The following NRIP1 variants were observed in gnomAD, a reference collection of about 807,000 sequenced individuals.
NRIP1 encodes nuclear receptor-interacting protein 1.
In NRIP1, 28 loss-of-function variants were observed where a neutral mutation model predicts 75.0. That is an observed-to-expected ratio of 0.37 (90% CI 0.28 to 0.51). The LOEUF (loss-of-function observed/expected upper bound fraction) is 0.51. NRIP1 is among the 20% of genes least tolerant of loss of function. The probability of loss-of-function intolerance (pLI) is 0.92; values close to 1 mark genes in which losing one functional copy is unlikely to be tolerated. For synonymous variants in NRIP1, 526 were observed against 487.6 expected (o/e 1.08, Z -1.04); for missense variants, 1,435 against 1,343.7 (o/e 1.07, Z -1.06).
At chr21:14,986,889 T>C (rs2087420214) in intron 3 of NRIP1, among the ~76,000 whole-genome samples, 1 of 152,184 alleles carries the variant, frequency 6.6e-6, no homozygotes, top group African/African-American at 2.4e-5. Context: ...CCTCTAATAA[T>C]TTTGCCACTG....
intron 3 of NRIP1, among the ~76,000 whole-genome samples, chr21:15,007,575 T>C (rs2088002166): frequency 1.3e-5 from 2 of 152,206 alleles, no homozygotes; most frequent in Non-Finnish European, 2.9e-5. Flanking sequence ...CTGTTTGAAG[T>C]CTGAATTTTG....
chr21:15,016,513 A>G (rs775324332), intron 2 of NRIP1, among the ~76,000 whole-genome samples: 1 of 152,176 alleles, frequency 6.6e-6, no homozygotes, highest in African/African-American at 2.4e-5. Context: ...TTCAGTTTTC[A>G]ATTACCTTTT....
rs1372795135 is a variant in NRIP1, at chr21:14,967,735, A to T, written c.458T>A (p.Ile153Asn). ...RLQTVALSQQ[I>N]RQSLKEQGYA... ...TCCTTGCTCCTTGAGGCTCTGCCTGATTTGTTGTGACAGAGCAACAGTCTG... is the reference window on the plus strand; with the variant it reads ...TCCTTGCTCCTTGAGGCTCTGCCTGTTTTGTTGTGACAGAGCAACAGTCTG... Residue 153 changes from isoleucine (I) to asparagine (N), a missense_variant, in exon 4 of 4, where the codon ATC (isoleucine) becomes AAC (asparagine). Ile to Asn is a moderately radical substitution (Grantham distance 149). Transcript: ENST00000318948. 1 of 1,614,058 alleles carries T rather than the reference A, an allele frequency of 6.2e-7. No individual in the cohort carries two copies.
chr21:14,981,298 G>A (rs1311446442), intron 3 of NRIP1, among the ~76,000 whole-genome samples: 1 of 152,190 alleles, frequency 6.6e-6, no homozygotes, highest in Non-Finnish European at 1.5e-5. Context: ...ACTGCGGTGC[G>A]TGCTTTACCC....
At chr21:15,026,844 A>C (rs1234549182) in intron 2 of NRIP1, among the ~76,000 whole-genome samples, 1 of 152,206 alleles carries the variant, frequency 6.6e-6, no homozygotes, top group Admixed American at 6.5e-5. Context: ...ATATAAGTTG[A>C]AAAAACAAGT....
In NRIP1 at chr21:15,031,053, T is replaced by C. The variant is rs4817590; in HGVS notation, c.-458+12442A>G. The stretch of plus-strand genomic sequence containing the variant: ...CTCTGGAAGGCGGTTGGAGGTTCAC[T>C]ACATTCCCTTTCTATGTGTGTACAC... On this transcript the variant is annotated intron_variant, in intron 2 of 3. Coordinates refer to ENST00000318948, the MANE Select transcript of NRIP1 (RefSeq NM_003489.4). 4.0e-3 allele frequency among the ~76,000 whole-genome samples: 401 copies of C among 100,378 alleles called. 14 individuals are homozygous for C. Among genetic ancestry groups the C allele is most frequent in the Admixed American group, 6.3e-3 (57 of 9,002 alleles). The allele number at this position is 100,378 out of a possible 152,430, so 65.9% of individuals were successfully genotyped here.
Position 14,968,377 on chromosome 21 carries a change from G to A in NRIP1, c.-185C>T. 1 of 597,154 alleles carries A rather than the reference G, an allele frequency of 1.7e-6. No individual in the cohort carries two copies. Among genetic ancestry groups the A allele is most frequent in the Non-Finnish European group, 3.0e-6 (1 of 330,306 alleles). 37.0% of individuals were successfully genotyped at this position (597,154 alleles called of 1,614,324 possible). On this transcript the variant is annotated 5_prime_UTR_variant, in exon 4 of 4. Coordinates refer to ENST00000318948, the MANE Select transcript of NRIP1 (RefSeq NM_003489.4). ...GGCAATGACAAGATAAATGCAGTCTGACCACAGTGCTGATCAACTTCTACG... is the reference window on the plus strand; with the variant it reads ...GGCAATGACAAGATAAATGCAGTCTAACCACAGTGCTGATCAACTTCTACG...
chr21:15,041,751 G>A (rs1280967446), intron 2 of NRIP1, among the ~76,000 whole-genome samples: 6 of 152,004 alleles, frequency 3.9e-5, no homozygotes, highest in African/African-American at 1.5e-4. Context: ...TTATAGCTAA[G>A]TGTGAATGTT....
At chr21:15,037,605 G>A (rs1203524787) in intron 2 of NRIP1, among the ~76,000 whole-genome samples, 1 of 152,132 alleles carries the variant, frequency 6.6e-6, no homozygotes, top group Non-Finnish European at 1.5e-5. Context: ...CCTTCTGTCC[G>A]AGTGATCATA....
At chr21:15,011,577 T>C (rs2088105120) in intron 3 of NRIP1, among the ~76,000 whole-genome samples, 1 of 152,188 alleles carries the variant, frequency 6.6e-6, no homozygotes, top group Non-Finnish European at 1.5e-5. Context: ...CTACCATAGT[T>C]GTCAAAAATT....
At chr21:14,991,493 A>G (rs1455697160) in intron 3 of NRIP1, among the ~76,000 whole-genome samples, 2 of 152,046 alleles carry the variant, frequency 1.3e-5, no homozygotes, top group African/African-American at 4.8e-5. Flanking sequence ...TCAGCTAAAC[A>G]TGATGACTCT....
At chr21:14,975,448 G>A (rs1454914849) in intron 3 of NRIP1, among the ~76,000 whole-genome samples, 1 of 151,548 alleles carries the variant, frequency 6.6e-6, no homozygotes, top group Non-Finnish European at 1.5e-5. Flanking sequence ...GTAGTATAAT[G>A]GGCTCTAAGA....
chr21:15,001,770 G>T (rs1218743338), intron 3 of NRIP1, among the ~76,000 whole-genome samples: 2 of 151,928 alleles, frequency 1.3e-5, no homozygotes, highest in Non-Finnish European at 2.9e-5. Context: ...GGATCTTTAA[G>T]AATATAATGT....
At chr21:14,994,021 G>A (rs2087646166) in intron 3 of NRIP1, among the ~76,000 whole-genome samples, 1 of 151,842 alleles carries the variant, frequency 6.6e-6, no homozygotes. Context: ...CTATGCCTTG[G>A]TACTTTCAAT....
chr21:14,966,724 G>T lies in NRIP1; in HGVS notation c.1469C>A (p.Ser490Tyr), dbSNP rs143089816. ...IKEDQDTSKN[S>Y]KLNSHQKVTL... is the part of the protein sequence containing the mutation. ...TACTTTCTGGTGTGAGTTTAGCTTAGAATTCTTTGAGGTATCTTGATCTTC... is the reference window on the plus strand; with the variant it reads ...TACTTTCTGGTGTGAGTTTAGCTTATAATTCTTTGAGGTATCTTGATCTTC... Residue 490 changes from serine (S) to tyrosine (Y), a missense_variant, in exon 4 of 4, where the codon TCT (serine) becomes TAT (tyrosine). Physicochemically the swap from Ser to Tyr is moderately radical, Grantham distance 144. Coordinates refer to ENST00000318948, the MANE Select transcript of NRIP1 (RefSeq NM_003489.4). 1 of 1,614,012 alleles carries T rather than the reference G, an allele frequency of 6.2e-7. No individual in the cohort carries two copies.
intron 2 of NRIP1, among the ~76,000 whole-genome samples, chr21:15,035,787 A>G (rs1465375155): frequency 6.6e-6 from 1 of 151,912 alleles, no homozygotes; most frequent in Non-Finnish European, 1.5e-5. Context: ...CAAACTCCTG[A>G]CCTCGTGATC....
chr21:15,057,674 T>C (rs550023243), intron 1 of NRIP1, among the ~76,000 whole-genome samples: 3 of 152,360 alleles, frequency 2.0e-5, no homozygotes, highest in East Asian at 1.9e-4. Flanking sequence ...ACTGGTTTTT[T>C]CTTCAAACAA....
At chr21:14,981,005 A>G (rs1218441980) in intron 3 of NRIP1, among the ~76,000 whole-genome samples, 1 of 152,222 alleles carries the variant, frequency 6.6e-6, no homozygotes, top group Non-Finnish European at 1.5e-5. Context: ...TTTCCAGTCA[A>G]GCTGTGGAAG....
chr21:15,049,855 A>T (rs2089164907), intron 1 of NRIP1, among the ~76,000 whole-genome samples: 1 of 152,116 alleles, frequency 6.6e-6, no homozygotes, highest in East Asian at 1.9e-4. Context: ...AATCTATATT[A>T]GATCCAAATC....
Sources: gnomAD v4.1 joint callset for allele counts (sites outside exome capture counted in the v4.1 genomes callset) on GRCh38, gnomAD v4.1.1 for gene constraint, MANE v1.5 for transcripts, NCBI Gene and HGNC (gene_info 2026-07-23, HGNC 2026-07-21) for gene names.